CSMD1: variants seen among roughly 807,000 people sequenced by gnomAD.
CSMD1 encodes CUB and Sushi multiple domains 1, also known as CUB and sushi domain-containing protein 1.
Under a neutral mutation model 417.5 loss-of-function variants are expected in CSMD1, and 213 were observed. That is an observed-to-expected ratio of 0.51 (90% CI 0.46 to 0.57). The LOEUF is 0.57. Among genes scored for constraint, CSMD1 ranks in the 20% least tolerant of loss-of-function variants. The pLI, the probability that CSMD1 is intolerant of heterozygous loss-of-function variation, is 0.00. For missense variants in CSMD1, 6,923 were observed against 4,529.7 expected, an observed-to-expected ratio of 1.53 and a Z score of -15.17; for synonymous variants, 2,862 against 1,736.8, an observed-to-expected ratio of 1.65 and a Z score of -16.11.
chr8:4,152,147 T>A (rs1013825719), intron 3 of CSMD1, among the ~76,000 whole-genome samples: 1 of 152,214 alleles, frequency 6.6e-6, no homozygotes, highest in East Asian at 1.9e-4. Context: ...GATAATTGTT[T>A]GAAATTGGAT....
intron 1 of CSMD1, among the ~76,000 whole-genome samples, chr8:4,882,871 G>T (rs1023274625): frequency 2.0e-5 from 3 of 151,986 alleles, no homozygotes; most frequent in Non-Finnish European, 4.4e-5. Context: ...TTTGAAGGAA[G>T]AAAGCAAAGG....
chr8:4,920,852 A>G (rs1806391190), intron 1 of CSMD1, among the ~76,000 whole-genome samples: 1 of 1,468 alleles, frequency 6.8e-4, no homozygotes, highest in African/African-American at 1.2e-3. Context: ...GAAAGAAAAG[A>G]AAAGAAAAGA....
chr8:4,090,384 C>A (rs1309762308), intron 3 of CSMD1, among the ~76,000 whole-genome samples: 1 of 152,062 alleles, frequency 6.6e-6, no homozygotes, highest in Non-Finnish European at 1.5e-5. Context: ...GTCAGATTTT[C>A]CACTCTTACT....
intron 1 of CSMD1, among the ~76,000 whole-genome samples, chr8:4,810,546 C>T (rs183982935): frequency 9.1e-4 from 139 of 152,148 alleles, no homozygotes; most frequent in Non-Finnish European, 1.7e-3. Flanking sequence ...TGTGTGCGCA[C>T]GCGCGTATGT....
intron 1 of CSMD1, among the ~76,000 whole-genome samples, chr8:4,687,422 G>T (rs764961990): frequency 1.2e-4 from 19 of 152,260 alleles, no homozygotes; most frequent in Non-Finnish European, 2.6e-4. Flanking sequence ...GAAAGAAAAT[G>T]AAAAACTTTC....
At chr8:3,616,899 C>T (rs1802167808) in intron 7 of CSMD1, 102 bp from the exon 8 acceptor site, 1 of 705,832 alleles carries the variant, frequency 1.4e-6, no homozygotes, top group Admixed American at 2.6e-5. Context: ...ATGATAATGA[C>T]TTAAAATGTG....
At chr8:3,294,788 TC>T (rs1257771407) in intron 25 of CSMD1, among the ~76,000 whole-genome samples, 1 of 152,022 alleles carries the variant, frequency 6.6e-6, no homozygotes, top group Non-Finnish European at 1.5e-5. Context: ...AGTTGATGCC[TC>T]CCCCTGCTTT....
intron 23 of CSMD1, among the ~76,000 whole-genome samples, chr8:3,320,911 C>T (rs1419977471): frequency 2.0e-5 from 3 of 152,272 alleles, no homozygotes; most frequent in East Asian, 1.9e-4. Flanking sequence ...CCTCACTGAC[C>T]GTAAAGCGTT....
chr8:3,474,297 T>C (rs1563073118), intron 11 of CSMD1, among the ~76,000 whole-genome samples: 1 of 152,072 alleles, frequency 6.6e-6, no homozygotes, highest in Non-Finnish European at 1.5e-5. Context: ...ATCATACAAA[T>C]GCAGGACAAT....
chr8:3,172,650 A>G (rs1431836743), intron 37 of CSMD1, among the ~76,000 whole-genome samples: 1 of 152,138 alleles, frequency 6.6e-6, no homozygotes, highest in Non-Finnish European at 1.5e-5. Context: ...CAGGACACTT[A>G]AGGGGGGCAG....
At chr8:3,980,663 C>A (rs367584574) in intron 5 of CSMD1, among the ~76,000 whole-genome samples, 1 of 152,222 alleles carries the variant, frequency 6.6e-6, no homozygotes, top group African/African-American at 2.4e-5. Flanking sequence ...TGAAAATATA[C>A]AAGGGTTTCT....
intron 1 of CSMD1, among the ~76,000 whole-genome samples, chr8:4,885,359 C>G (rs1803670488): frequency 1.3e-5 from 2 of 152,012 alleles, no homozygotes; most frequent in Admixed American, 6.6e-5. Flanking sequence ...TCTAAAACCT[C>G]TAGCACAATG....
At chr8:4,152,549 T>C (rs1180195995) in intron 3 of CSMD1, among the ~76,000 whole-genome samples, 1 of 149,838 alleles carries the variant, frequency 6.7e-6, no homozygotes, top group East Asian at 2.0e-4. Context: ...AATTAGCTAG[T>C]CATGGTGGTG....
intron 1 of CSMD1, among the ~76,000 whole-genome samples, chr8:4,797,410 A>T (rs1381779966): frequency 6.6e-6 from 1 of 152,164 alleles, no homozygotes; most frequent in Non-Finnish European, 1.5e-5. Context: ...GCCACTTCAA[A>T]AGCTGAAAAC....
chr8:4,348,399 C>T (rs927525895), intron 3 of CSMD1, among the ~76,000 whole-genome samples: 1 of 152,028 alleles, frequency 6.6e-6, no homozygotes, highest in Non-Finnish European at 1.5e-5. Context: ...TTGCAGGTCA[C>T]AGAACTGTAA....
chr8:3,810,626 G>T (rs1208533359), intron 5 of CSMD1, among the ~76,000 whole-genome samples: 1 of 152,248 alleles, frequency 6.6e-6, no homozygotes, highest in African/African-American at 2.4e-5. Context: ...CTCATTATTG[G>T]GGGACTGGAG....
intron 55 of CSMD1, among the ~76,000 whole-genome samples, chr8:2,975,017 G>C (rs1213832734): frequency 6.6e-6 from 1 of 152,184 alleles, no homozygotes; most frequent in Non-Finnish European, 1.5e-5. Context: ...GATGTTTTCA[G>C]TTAATATGAC....
intron 62 of CSMD1, among the ~76,000 whole-genome samples, chr8:2,958,939 G>C (rs116259603): frequency 6.6e-6 from 1 of 152,134 alleles, no homozygotes; most frequent in Non-Finnish European, 1.5e-5. Flanking sequence ...TAGTGTGAAA[G>C]GATATCAGGA....
At chr8:4,447,856 G>T (rs76610060) in intron 2 of CSMD1, among the ~76,000 whole-genome samples, 78 of 152,264 alleles carry the variant, frequency 5.1e-4, no homozygotes, top group East Asian at 4.1e-3. Context: ...TTAAAAAAGT[G>T]TAAGTAGAGG....
Sources: gnomAD v4.1 joint callset for allele counts (sites outside exome capture counted in the v4.1 genomes callset) on GRCh38, gnomAD v4.1.1 for gene constraint, MANE v1.5 for transcripts, NCBI Gene and HGNC (gene_info 2026-07-23, HGNC 2026-07-21) for gene names.